Variants in EYS observed in about 807,000 individuals in gnomAD.
EYS encodes the protein protein eyes shut homolog.
In EYS, 250 loss-of-function variants were observed where a neutral mutation model predicts 282.1. The ratio of observed to expected loss-of-function variants is 0.89; its 90% CI spans 0.80 to 0.98. EYS has a LOEUF of 0.98. Among genes scored for constraint, EYS ranks in the 50% least tolerant of loss-of-function variants. The pLI is 0.00. For missense variants in EYS, 4,016 were observed against 3,709.0 expected, an observed-to-expected ratio of 1.08 and a Z score of -2.15; for synonymous variants, 1,355 against 1,282.9, an observed-to-expected ratio of 1.06 and a Z score of -1.20.
In EYS at chr6:65,279,612, T is replaced by C. The variant is rs141836289; in HGVS notation, c.2023+16251A>G. On this transcript the variant is annotated intron_variant, in intron 12 of 42. Transcript: ENST00000503581. ...AGTTGCATGTCTGACAAGCAGTAAG[T>C]ATAACAACTGATAATATTCTGTTGG... Among the ~76,000 whole-genome samples the C allele has an allele frequency of 6.5e-3, 994 of 152,280 alleles. 29 individuals are homozygous for C. Among genetic ancestry groups the C allele is most frequent in the Admixed American group, 0.059 (904 of 15,286 alleles).
Position 64,981,477 on chromosome 6 carries a change from G to C in EYS, c.2259+16105C>G, listed in dbSNP as rs146034254. Reference sequence around the variant, plus strand: ...CCCTTCACCTCCATTTCCATTTCTTGACAGATCAAACATGCCCTTCTTACC... The same window carrying C: ...CCCTTCACCTCCATTTCCATTTCTTCACAGATCAAACATGCCCTTCTTACC... On this transcript the variant is annotated intron_variant, in intron 14 of 42. Transcript: ENST00000503581. 6.0e-5 allele frequency among the ~76,000 whole-genome samples: 9 copies of C among 150,896 alleles called. 1 individual carries two copies. Among genetic ancestry groups the C allele is most frequent in the African/African-American group, 2.2e-4 (9 of 41,268 alleles).
intron 36 of EYS, among the ~76,000 whole-genome samples, chr6:63,844,690 G>A (rs752532380): frequency 1.1e-4 from 16 of 151,400 alleles, no homozygotes; most frequent in African/African-American, 2.7e-4. Context: ...TCCTTTGCAC[G>A]CTTTTTAATG....
At chr6:65,136,743 T>G (rs1308706131) in intron 12 of EYS, among the ~76,000 whole-genome samples, 3 of 152,132 alleles carry the variant, frequency 2.0e-5, no homozygotes, top group Non-Finnish European at 2.9e-5. Context: ...TGGAGTGCAG[T>G]GGCATGGTCT....
intron 22 of EYS, among the ~76,000 whole-genome samples, chr6:64,812,482 T>C (rs1221019546): frequency 6.6e-6 from 1 of 151,986 alleles, no homozygotes; most frequent in African/African-American, 2.4e-5. Flanking sequence ...TACCAAAATA[T>C]ATAAGTAGGC....
intron 5 of EYS, among the ~76,000 whole-genome samples, chr6:65,461,232 CA>C (rs1764817281): frequency 6.6e-6 from 1 of 152,066 alleles, no homozygotes; most frequent in Non-Finnish European, 1.5e-5. Context: ...CCAATGGTGC[CA>C]AACATAAATT....
chr6:64,154,926 G>T (rs930673651), intron 31 of EYS, among the ~76,000 whole-genome samples: 2 of 152,232 alleles, frequency 1.3e-5, no homozygotes, highest in African/African-American at 2.4e-5. Context: ...TATTTTGAGT[G>T]ATAGTTTTCC....
At chr6:65,053,175 T>C (rs775615399) in intron 13 of EYS, among the ~76,000 whole-genome samples, 9 of 151,756 alleles carry the variant, frequency 5.9e-5, no homozygotes, top group Non-Finnish European at 1.0e-4. Flanking sequence ...CTTTTTCCAG[T>C]ATGTGCTTTA....
chr6:64,560,093 T>C (rs1765350073), intron 26 of EYS, among the ~76,000 whole-genome samples: 1 of 152,162 alleles, frequency 6.6e-6, no homozygotes, highest in South Asian at 2.1e-4. Flanking sequence ...GTTCTTGTAT[T>C]TCTGTATCTT....
chr6:64,242,110 C>T (rs578187747), intron 30 of EYS, among the ~76,000 whole-genome samples: 37 of 151,970 alleles, frequency 2.4e-4, no homozygotes, highest in African/African-American at 7.0e-4. Flanking sequence ...AGAATAAGTG[C>T]GATGTGGTGC....
intron 22 of EYS, among the ~76,000 whole-genome samples, chr6:64,740,531 G>A (rs1357355124): frequency 6.6e-6 from 1 of 151,960 alleles, no homozygotes; most frequent in Non-Finnish European, 1.5e-5. Context: ...CTATATTCTA[G>A]CATAATTAAG....
intron 26 of EYS, among the ~76,000 whole-genome samples, chr6:64,561,522 A>G (rs930108510): frequency 6.6e-6 from 1 of 152,138 alleles, no homozygotes; most frequent in African/African-American, 2.4e-5. Context: ...GCATTCCTGT[A>G]CACCAACAAC....
intron 8 of EYS, among the ~76,000 whole-genome samples, chr6:65,374,335 G>C (rs1474102501): frequency 1.3e-5 from 2 of 152,028 alleles, no homozygotes; most frequent in African/African-American, 2.4e-5. Context: ...AGCCATGAGG[G>C]TTTGTGCCAT....
chr6:65,689,245 A>G (rs1420581618), intron 1 of EYS, among the ~76,000 whole-genome samples: 2 of 150,034 alleles, frequency 1.3e-5, no homozygotes, highest in Non-Finnish European at 3.0e-5. Context: ...GAAGCTGGAA[A>G]CCATCATTCT....
At chr6:65,659,506 C>T (rs1400891526) in intron 1 of EYS, among the ~76,000 whole-genome samples, 3 of 151,706 alleles carry the variant, frequency 2.0e-5, no homozygotes, top group Admixed American at 1.3e-4. Flanking sequence ...ATTCGTAAAA[C>T]TTATCCTGCC....
At chr6:64,986,218 T>G (rs372764177) in intron 14 of EYS, among the ~76,000 whole-genome samples, 4 of 151,584 alleles carry the variant, frequency 2.6e-5, no homozygotes, top group Admixed American at 6.6e-5. Context: ...GAAAAACTTT[T>G]ATCAGAAGGT....
chr6:65,671,551 T>C (rs1582586248), intron 1 of EYS, among the ~76,000 whole-genome samples: 1 of 152,080 alleles, frequency 6.6e-6, no homozygotes, highest in East Asian at 1.9e-4. Context: ...AGGAATAAAT[T>C]TTGTTCCTTG....
intron 12 of EYS, among the ~76,000 whole-genome samples, chr6:65,234,087 A>G (rs1383021296): frequency 6.6e-6 from 1 of 152,094 alleles, no homozygotes; most frequent in African/African-American, 2.4e-5. Context: ...CTGCCCACCA[A>G]GATCTTCATT....
chr6:65,597,439 C>T (rs756903620), intron 2 of EYS, among the ~76,000 whole-genome samples: 1 of 152,078 alleles, frequency 6.6e-6, no homozygotes, highest in Non-Finnish European at 1.5e-5. Context: ...AGTGTACTCC[C>T]AGTACTAAGT....
At chr6:64,195,422 C>A (rs1295699245) in intron 31 of EYS, among the ~76,000 whole-genome samples, 2 of 152,170 alleles carry the variant, frequency 1.3e-5, no homozygotes, top group East Asian at 1.9e-4. Context: ...CCTGCCTCAG[C>A]CTCCCAAGTA....
Sources: gnomAD v4.1 joint callset for allele counts (sites outside exome capture counted in the v4.1 genomes callset) on GRCh38, gnomAD v4.1.1 for gene constraint, MANE v1.5 for transcripts, NCBI Gene and HGNC (gene_info 2026-07-23, HGNC 2026-07-21) for gene names.